FNIP2: variants seen among roughly 807,000 people sequenced by gnomAD.
FNIP2 encodes the protein folliculin-interacting protein 2.
In FNIP2, 32 loss-of-function variants were observed where a neutral mutation model predicts 108.7. The observed-to-expected ratio is 0.29, with a 90% CI of 0.22 to 0.40. FNIP2 has a LOEUF of 0.40. Ranked by LOEUF, FNIP2 falls within the 10% of genes least tolerant of loss-of-function variation. The pLI is 1.00. For missense variants in FNIP2, 1,202 were observed against 1,381.6 expected (o/e 0.87, Z 2.06); for synonymous variants, 480 against 496.7 (o/e 0.97, Z 0.45).
At chr4:158,867,746 T>C (rs896113071) in intron 12 of FNIP2, among the ~76,000 whole-genome samples, 9 of 152,242 alleles carry the variant, frequency 5.9e-5, no homozygotes, top group Admixed American at 5.2e-4. Flanking sequence ...GTTTCCAAGA[T>C]ATAGTATTAG....
At chr4:158,889,723 A>G in intron 14 of FNIP2, 14 of 657,888 alleles carry the variant, frequency 2.1e-5, no homozygotes, top group Non-Finnish European at 2.4e-5. Context: ...TGGCATGACC[A>G]GCATGTTGTG....
At chr4:158,860,867 G>C (rs1433329453) in intron 10 of FNIP2, among the ~76,000 whole-genome samples, 2 of 152,016 alleles carry the variant, frequency 1.3e-5, no homozygotes, top group Non-Finnish European at 2.9e-5. Context: ...ATATTGGCCA[G>C]AATGTTCTCT....
intron 1 of FNIP2, among the ~76,000 whole-genome samples, chr4:158,816,665 A>G (rs971676218): frequency 3.3e-5 from 5 of 151,772 alleles, no homozygotes; most frequent in African/African-American, 1.2e-4. Flanking sequence ...GGCGCCTGTA[A>G]TCCCAGCTAC....
chr4:158,800,203 C>G (rs1015034809), intron 1 of FNIP2, among the ~76,000 whole-genome samples: 2 of 152,112 alleles, frequency 1.3e-5, no homozygotes, highest in African/African-American at 4.8e-5. Context: ...CTTTCGGTAG[C>G]ACTTTTTCAA....
chr4:158,876,434 A>G (rs1781287570), intron 14 of FNIP2, among the ~76,000 whole-genome samples: 1 of 152,190 alleles, frequency 6.6e-6, no homozygotes, highest in South Asian at 2.1e-4. Flanking sequence ...ATGCCCCAGT[A>G]ACACTGTTTG....
intron 7 of FNIP2, among the ~76,000 whole-genome samples, chr4:158,842,494 T>C (rs545752358): frequency 6.6e-6 from 1 of 152,306 alleles, no homozygotes; most frequent in South Asian, 2.1e-4. Flanking sequence ...CCGTAAGTCT[T>C]TTGTAGACAC....
intron 7 of FNIP2, among the ~76,000 whole-genome samples, chr4:158,844,297 T>C (rs1404096601): frequency 6.6e-6 from 1 of 152,190 alleles, no homozygotes; most frequent in Non-Finnish European, 1.5e-5. Context: ...AATAAATCCA[T>C]CCATATATAT....
At chr4:158,797,271 C>G (rs1360972326) in intron 1 of FNIP2, among the ~76,000 whole-genome samples, 2 of 152,212 alleles carry the variant, frequency 1.3e-5, no homozygotes, top group Non-Finnish European at 2.9e-5. Flanking sequence ...AACTTAACCT[C>G]TACATAGATT....
chr4:158,785,843 A>G (rs79566457), intron 1 of FNIP2, among the ~76,000 whole-genome samples: 2,388 of 152,256 alleles, frequency 0.016, 38 homozygotes, highest in Non-Finnish European at 0.025. Context: ...TGTTTTACAT[A>G]TGAAGGCAAA....
chr4:158,782,523 G>GT (rs77146538), intron 1 of FNIP2, among the ~76,000 whole-genome samples: 416 of 74,738 alleles, frequency 5.6e-3, no homozygotes, highest in Middle Eastern at 0.053. Flanking sequence ...CTTCCTTTTT[G>GT]TTTTTTTTTT....
chr4:158,889,668 A>G (rs1319126498), intron 14 of FNIP2, among the ~76,000 whole-genome samples: 2 of 152,238 alleles, frequency 1.3e-5, no homozygotes, highest in Non-Finnish European at 2.9e-5. Context: ...CTATGTTGAC[A>G]TATGGTCAGT....
intron 1 of FNIP2, among the ~76,000 whole-genome samples, chr4:158,818,789 C>A (rs1010059398): frequency 3.3e-5 from 5 of 152,150 alleles, no homozygotes; most frequent in African/African-American, 1.2e-4. Context: ...TCTGTTTTTC[C>A]CAACAGCCTT....
At chr4:158,803,494 G>T (rs1297155898) in intron 1 of FNIP2, among the ~76,000 whole-genome samples, 2 of 152,198 alleles carry the variant, frequency 1.3e-5, no homozygotes, top group African/African-American at 2.4e-5. Context: ...TAATGTCTCA[G>T]AAGAGTGGTT....
intron 1 of FNIP2, among the ~76,000 whole-genome samples, chr4:158,784,975 A>G (rs1686229929): frequency 6.6e-6 from 1 of 152,210 alleles, no homozygotes; most frequent in African/African-American, 2.4e-5. Context: ...AATACTAAGT[A>G]CAGTACGTTA....
At chr4:158,825,080 G>T (rs1295169320) in intron 1 of FNIP2, among the ~76,000 whole-genome samples, 1 of 152,196 alleles carries the variant, frequency 6.6e-6, no homozygotes, top group African/African-American at 2.4e-5. Flanking sequence ...GGTCTGTCTG[G>T]TTAATTAATT....
At position 158,816,854 on chromosome 4, in the gene FNIP2, C is replaced by CT. The variant is rs1054269543; in HGVS notation, c.108-9052dup. 6.6e-3 allele frequency among the ~76,000 whole-genome samples: 966 copies of CT among 145,472 alleles called. 3 individuals carry two copies. The highest frequency in any genetic ancestry group is 0.017 in the African/African-American group (682 of 39,756). On this transcript the variant is annotated intron_variant, in intron 1 of 16. Transcript: ENST00000264433. ...ATGCATGGAGATGAACAGTAAAGCTCTTTTTTTTTTGTCAGTTTGGCTATT... is the reference window on the plus strand; with the variant it reads ...ATGCATGGAGATGAACAGTAAAGCTCTTTTTTTTTTTGTCAGTTTGGCTATT...
intron 1 of FNIP2, 34 bp downstream of exon 1, chr4:158,769,353 G>C: frequency 1.4e-6 from 2 of 1,422,788 alleles, no homozygotes; most frequent in Non-Finnish European, 1.9e-6. Flanking sequence ...TCTGGCGCGG[G>C]ACCCGAGTTG....
chr4:158,889,321 A>G (rs1782171735), intron 14 of FNIP2, among the ~76,000 whole-genome samples: 1 of 152,184 alleles, frequency 6.6e-6, no homozygotes, highest in Non-Finnish European at 1.5e-5. Flanking sequence ...ATTGCATGTA[A>G]ATCTACAGCC....
Position 158,859,616 on chromosome 4 carries a change from C to A in FNIP2, c.1098C>A (p.Leu366=). The part of the protein sequence containing the change: ...ISCRKIAESS[L]RVQFYVSRLM... ...GTAGGAAAATAGCAGAATCAAGTCT[C>A]CGAGTCCAGTTTTATGTCAGCCGTT... The change falls in exon 10 of 17, where the codon CTC becomes CTA. Residue 366 remains leucine (L), a synonymous_variant. Coordinates refer to ENST00000264433, the MANE Select transcript of FNIP2 (RefSeq NM_020840.3). 1 of 1,613,602 alleles carries A rather than the reference C, an allele frequency of 6.2e-7. No homozygotes were observed. The highest frequency in any genetic ancestry group is 1.1e-5 in the South Asian group (1 of 90,938).
Sources: gnomAD v4.1 joint callset for allele counts (sites outside exome capture counted in the v4.1 genomes callset) on GRCh38, gnomAD v4.1.1 for gene constraint, MANE v1.5 for transcripts, NCBI Gene and HGNC (gene_info 2026-07-23, HGNC 2026-07-21) for gene names.